Variants in MINK1 observed in about 807,000 individuals in gnomAD.
MINK1 encodes misshapen-like kinase 1.
In MINK1, 46 loss-of-function variants were observed where a neutral mutation model predicts 178.4. That is an observed-to-expected ratio of 0.26 (90% CI 0.20 to 0.33). The LOEUF is 0.33. MINK1 is among the 10% of genes least tolerant of loss of function. MINK1 has a pLI of 1.00. For missense variants in MINK1, 1,366 were observed against 1,814.9 expected (o/e 0.75, Z 4.49); for synonymous variants, 797 against 709.7 (o/e 1.12, Z -1.96).
At chr17:4,845,568 G>C in intron 1 of MINK1, among the ~76,000 whole-genome samples, 1 of 152,116 alleles carries the variant, frequency 6.6e-6, no homozygotes. Flanking sequence ...TGAGAGCCAG[G>C]TCAGGCTCTG....
intron 1 of MINK1, among the ~76,000 whole-genome samples, chr17:4,866,210 G>C (rs1371323711): frequency 2.0e-5 from 3 of 152,168 alleles, no homozygotes; most frequent in Non-Finnish European, 4.4e-5. Flanking sequence ...GTTCACGCCT[G>C]TAATCCCAGC....
chr17:4,846,233 C>T (rs1437056401), intron 1 of MINK1, among the ~76,000 whole-genome samples: 1 of 152,198 alleles, frequency 6.6e-6, no homozygotes, highest in African/African-American at 2.4e-5. Context: ...TGCAAAAGAC[C>T]TCTGCGTTTC....
At position 4,833,921 on chromosome 17, in the gene MINK1, G is replaced by A. The variant is rs1418469576; in HGVS notation, c.57+281G>A. ...CACCCTACCTTTACTCTGGGGTTCG[G>A]GACCCACTGGTTCGCCTAAACTTAG... On this transcript the variant is annotated intron_variant, in intron 1 of 31. Coordinates refer to ENST00000355280, the MANE Select transcript of MINK1 (RefSeq NM_153827.5). The surrounding 1 kb of genome is among the most constrained non-coding windows in gnomAD (Gnocchi z 4.8). 2.0e-5 allele frequency among the ~76,000 whole-genome samples: 3 copies of A among 152,176 alleles called. No homozygotes were observed. Among genetic ancestry groups the A allele is most frequent in the Non-Finnish European group, 4.4e-5 (3 of 68,030 alleles).
At position 4,833,527 on chromosome 17, in the gene MINK1, G is replaced by A; in HGVS notation, c.-57G>A. The A allele has an allele frequency of 1.4e-6, 2 of 1,410,996 alleles. No homozygotes were observed. Among genetic ancestry groups the A allele is most frequent in the Non-Finnish European group, 1.9e-6 (2 of 1,054,978 alleles). 87.4% of individuals were successfully genotyped at this position (1,410,996 alleles called of 1,614,324 possible). On this transcript the variant is annotated 5_prime_UTR_variant, in exon 1 of 32. In the 5' UTR this introduces an upstream ATG that the reference lacks. Coordinates refer to ENST00000355280, the MANE Select transcript of MINK1 (RefSeq NM_153827.5). This position sits in a 1 kb window ranked among gnomAD's most constrained non-coding sequence, Gnocchi z 4.8. ...TGGGGGAGAAGCGGCGACGGCGGCA[G>A]TGGAGTAACCGAGCCGGAGCGTGAG... is the stretch of plus-strand genomic sequence containing the variant.
In MINK1 at chr17:4,878,331, C is replaced by T; in HGVS notation, c.72C>T (p.Ile24=). The T allele has an allele frequency of 6.5e-7, 1 of 1,537,618 alleles. No homozygotes were observed. Among genetic ancestry groups the T allele is most frequent in the Non-Finnish European group, 8.7e-7 (1 of 1,146,986 alleles). ...CCTGCCCCTAGGACCCTGCTGGGATCTTTGAGCTTGTGGAGGTGGTCGGCA... is the reference window on the plus strand; with the variant it reads ...CCTGCCCCTAGGACCCTGCTGGGATTTTTGAGCTTGTGGAGGTGGTCGGCA... ...DLSALRDPAG[I]FELVEVVGNG... is the part of the protein sequence containing the mutation. The change falls in exon 2 of 32, where the codon ATC becomes ATT. Residue 24 remains isoleucine (I), a synonymous_variant. Transcript: ENST00000355280.
At chr17:4,891,185 T>TGTGTGTGTACCTGTGCTCTGA in intron 15 of MINK1, 61 bp downstream of exon 15, 1 of 1,208,194 alleles carries the variant, frequency 8.3e-7, no homozygotes, top group Non-Finnish European at 1.1e-6. Context: ...AGAGCACAGG[T>TGTGTGTGTACCTGTGCTCTGA]ACACACACAC....
Position 4,836,913 on chromosome 17 carries a change from C to T in MINK1, c.57+3273C>T, listed in dbSNP as rs1909381155. Reference sequence around the variant, plus strand: ...AGTTCAGTGGCCGGGTGTGGTAGCTCACGACCGTAATCCCAGCACTTTGGG... The same window carrying T: ...AGTTCAGTGGCCGGGTGTGGTAGCTTACGACCGTAATCCCAGCACTTTGGG... On this transcript the variant is annotated intron_variant, in intron 1 of 31. Coordinates refer to ENST00000355280, the MANE Select transcript of MINK1 (RefSeq NM_153827.5). The surrounding 1 kb of genome is among the most constrained non-coding windows in gnomAD (Gnocchi z 4.3). Among the ~76,000 whole-genome samples the T allele has an allele frequency of 6.6e-6, 1 of 152,102 alleles. No homozygotes were observed. Among genetic ancestry groups the T allele is most frequent in the African/African-American group, 2.4e-5 (1 of 41,398 alleles).
intron 1 of MINK1, among the ~76,000 whole-genome samples, chr17:4,864,427 ATAAAG>A (rs1300550021): frequency 6.9e-6 from 1 of 144,804 alleles, no homozygotes; most frequent in Non-Finnish European, 1.5e-5. Flanking sequence ...AATTAATTAA[ATAAAG>A]GGCTATGGGG....
At position 4,896,674 on chromosome 17, in the gene MINK1, C is replaced by T; in HGVS notation, c.3776C>T (p.Ala1259Val). 1 of 1,601,486 alleles carries T rather than the reference C, an allele frequency of 6.2e-7. No individual in the cohort carries two copies. The highest frequency in any genetic ancestry group is 8.5e-7 in the Non-Finnish European group (1 of 1,172,632). ...LQWGEMPTSV[A>V]YICSNQIMGW... ...TCAGCCCCTCACCTGTTCCCCACAG[C>T]CTACATCTGCTCCAACCAGATAATG... Residue 1259 changes from alanine (A) to valine (V), a missense_variant and splice_region_variant, in exon 31 of 32, where the codon GCC becomes GTC. Ala to Val is a moderately conservative substitution (Grantham distance 64, BLOSUM62 0). Around this residue, in one of 14 missense-constraint regions of MINK1, gnomAD observed 201 missense variants for 240.7 expected, o/e 0.84. Coordinates refer to ENST00000355280, the MANE Select transcript of MINK1 (RefSeq NM_153827.5). The surrounding 1 kb of genome is among the most constrained non-coding windows in gnomAD (Gnocchi z 4.6).
chr17:4,842,038 G>A (rs1290081499), intron 1 of MINK1, among the ~76,000 whole-genome samples: 1 of 151,966 alleles, frequency 6.6e-6, no homozygotes, highest in Non-Finnish European at 1.5e-5. Context: ...TGGCTAACAC[G>A]GTGAAACCCC....
At chr17:4,863,731 C>T (rs1914527001) in intron 1 of MINK1, among the ~76,000 whole-genome samples, 2 of 152,138 alleles carry the variant, frequency 1.3e-5, no homozygotes, top group Non-Finnish European at 2.9e-5. Flanking sequence ...TTCTAAAGTG[C>T]TCGGCAGTAC....
intron 1 of MINK1, among the ~76,000 whole-genome samples, chr17:4,857,711 G>A (rs978673256): frequency 3.9e-5 from 6 of 151,982 alleles, no homozygotes; most frequent in South Asian, 4.2e-4. Context: ...CAGGCAATCC[G>A]CCAGCCTTGG....
At chr17:4,842,132 G>A (rs1386043324) in intron 1 of MINK1, among the ~76,000 whole-genome samples, 1 of 151,440 alleles carries the variant, frequency 6.6e-6, no homozygotes, top group Non-Finnish European at 1.5e-5. Context: ...GCTGAGGCAG[G>A]AGAATGGCAT....
chr17:4,896,605 C>A lies in MINK1; in HGVS notation c.3775+17C>A. On this transcript the variant is annotated intron_variant, in intron 30 of 31. Transcript: ENST00000355280. This position sits in a 1 kb window ranked among gnomAD's most constrained non-coding sequence, Gnocchi z 4.6. ...CTTCTGTGGGTGAGTGAGCTGCCGCCCTCCCAGCCACATGCCCCGAGGTGG... is the reference window on the plus strand; with the variant it reads ...CTTCTGTGGGTGAGTGAGCTGCCGCACTCCCAGCCACATGCCCCGAGGTGG... 1 of 1,613,352 alleles carries A rather than the reference C, an allele frequency of 6.2e-7. No individual in the cohort carries two copies. Among genetic ancestry groups the A allele is most frequent in the Non-Finnish European group, 8.5e-7 (1 of 1,179,528 alleles).
chr17:4,890,149 C>T (rs1168363527), intron 13 of MINK1: 6 of 654,330 alleles, frequency 9.2e-6, no homozygotes, highest in East Asian at 4.7e-5. Flanking sequence ...TTCTCCAACT[C>T]GCTGCTGCTG....
chr17:4,861,334 C>A (rs1914135919), intron 1 of MINK1, among the ~76,000 whole-genome samples: 1 of 152,138 alleles, frequency 6.6e-6, no homozygotes, highest in Admixed American at 6.6e-5. Context: ...CTGAGCAAAG[C>A]AATATGTACA....
At chr17:4,879,194 G>C (rs1967470344) in intron 2 of MINK1, among the ~76,000 whole-genome samples, 1 of 151,338 alleles carries the variant, frequency 6.6e-6, no homozygotes, top group African/African-American at 2.4e-5. Context: ...GCTGACACTT[G>C]GATTGTGGGA....
At chr17:4,861,628 G>T in intron 1 of MINK1, 1 of 264,964 alleles carries the variant, frequency 3.8e-6, no homozygotes, top group Non-Finnish European at 8.0e-6. Context: ...AGCCTCCCTA[G>T]TAGCTGAGAT....
intron 4 of MINK1, 34 bp downstream of exon 4, chr17:4,881,291 C>G (rs752326348): frequency 3.3e-6 from 5 of 1,532,966 alleles, no homozygotes; most frequent in East Asian, 2.4e-5. Context: ...CTTCCCTCCC[C>G]GCAATCCCTG....
Sources: allele counts gnomAD v4.1 joint callset (sites outside exome capture counted in the v4.1 genomes callset), GRCh38; gene constraint gnomAD v4.1.1; regional missense constraint gnomAD v4.1.1; non-coding constraint Gnocchi (gnomAD v3.1); transcripts MANE v1.5; gene names NCBI Gene and HGNC (gene_info 2026-07-23, HGNC 2026-07-21).